Variants in CEP128 observed in about 807,000 individuals in gnomAD.
The protein encoded by CEP128 is centrosomal protein 128kDa.
Under a neutral mutation model 156.7 loss-of-function variants are expected in CEP128, and 132 were observed. That is an observed-to-expected ratio of 0.84 (90% CI 0.73 to 0.97). The LOEUF (loss-of-function observed/expected upper bound fraction) is 0.97, where lower values mean the gene tolerates loss of function less well. CEP128 is among the 50% of genes least tolerant of loss of function. CEP128 has a pLI of 0.00. For missense variants in CEP128, 1,252 were observed against 1,281.9 expected (o/e 0.98, Z 0.36); for synonymous variants, 469 against 448.9 (o/e 1.04, Z -0.57).
At chr14:80,604,703 A>G (rs1425081706) in intron 19 of CEP128, among the ~76,000 whole-genome samples, 1 of 152,014 alleles carries the variant, frequency 6.6e-6, no homozygotes, top group Non-Finnish European at 1.5e-5. Context: ...TCCTACTTTT[A>G]TTATAGTATT....
intron 23 of CEP128, among the ~76,000 whole-genome samples, chr14:80,519,369 C>T (rs897337309): frequency 2.6e-5 from 4 of 152,182 alleles, no homozygotes; most frequent in Non-Finnish European, 4.4e-5. Flanking sequence ...TAATGATACC[C>T]ACCAAGTATT....
chr14:80,729,669 T>C (rs1042382053), intron 19 of CEP128, among the ~76,000 whole-genome samples: 3 of 152,190 alleles, frequency 2.0e-5, no homozygotes, highest in Non-Finnish European at 2.9e-5. Flanking sequence ...AGTGTTCTCT[T>C]TTCATCACAT....
At chr14:80,613,598 C>T (rs979029209) in intron 19 of CEP128, among the ~76,000 whole-genome samples, 3 of 151,962 alleles carry the variant, frequency 2.0e-5, no homozygotes, top group Admixed American at 6.6e-5. Context: ...TGTGACCCAC[C>T]GCGCCTGGCC....
At chr14:80,700,468 G>C (rs143018039) in intron 19 of CEP128, among the ~76,000 whole-genome samples, 1 of 152,046 alleles carries the variant, frequency 6.6e-6, no homozygotes, top group Admixed American at 6.6e-5. Flanking sequence ...ATAGGAAAGG[G>C]GGGATGGTAG....
intron 20 of CEP128, among the ~76,000 whole-genome samples, chr14:80,572,775 T>C (rs1891197906): frequency 6.6e-6 from 1 of 152,152 alleles, no homozygotes; most frequent in South Asian, 2.1e-4. Context: ...GAGCTCAGAC[T>C]CTTGACAGTT....
chr14:80,503,023 A>AAAACATCC (rs1178287821), intron 24 of CEP128, among the ~76,000 whole-genome samples: 8 of 152,144 alleles, frequency 5.3e-5, no homozygotes, highest in African/African-American at 1.9e-4. Context: ...ATGATAAGGT[A>AAAACATCC]GCTAGGATTA....
chr14:80,605,161 T>G (rs1237750485), intron 19 of CEP128, among the ~76,000 whole-genome samples: 2 of 152,126 alleles, frequency 1.3e-5, no homozygotes, highest in African/African-American at 4.8e-5. Context: ...TTCTATTATC[T>G]GCTAAATTAT....
intron 16 of CEP128, among the ~76,000 whole-genome samples, chr14:80,769,724 T>C (rs1900421266): frequency 6.6e-6 from 1 of 152,204 alleles, no homozygotes; most frequent in Admixed American, 6.5e-5. Context: ...ATAACCTGTA[T>C]ATAACAAGCA....
chr14:80,570,640 T>C (rs185518825), intron 20 of CEP128, among the ~76,000 whole-genome samples: 2 of 152,254 alleles, frequency 1.3e-5, no homozygotes, highest in East Asian at 3.9e-4. Flanking sequence ...TGAGAGTGTG[T>C]GTGTGTGTAT....
At chr14:80,835,016 T>G in intron 12 of CEP128, among the ~76,000 whole-genome samples, 1 of 152,166 alleles carries the variant, frequency 6.6e-6, no homozygotes, top group African/African-American at 2.4e-5. Context: ...GGTGTCCTTC[T>G]TGTAGCAGGA....
At position 80,526,875 on chromosome 14, in the gene CEP128, A is replaced by G. The variant is rs1253494561; in HGVS notation, c.3066T>C (p.Ser1022=). ...HQDDTKYRTK[S]FKGDRTFLEG... ...AGTATATAAAGAAAATTACTTTGAA[A>G]CTTTTGGTTCTGTACTTGGTGTCAT... Residue 1022 remains serine, a synonymous_variant, in exon 23 of 25, where the codon AGT becomes AGC. Transcript: ENST00000555265. 3.8e-6 allele frequency: 6 copies of G among 1,582,756 alleles called. No individual in the cohort carries two copies. Among genetic ancestry groups the G allele is most frequent in the Non-Finnish European group, 5.2e-6 (6 of 1,155,966 alleles).
intron 13 of CEP128, among the ~76,000 whole-genome samples, chr14:80,821,800 T>C (rs1040536574): frequency 2.0e-5 from 3 of 151,856 alleles, no homozygotes; most frequent in Non-Finnish European, 2.9e-5. Flanking sequence ...CTCAGCCCCC[T>C]GTAATACTCC....
At chr14:80,758,850 T>C (rs569987595) in intron 17 of CEP128, among the ~76,000 whole-genome samples, 1 of 152,290 alleles carries the variant, frequency 6.6e-6, no homozygotes, top group East Asian at 1.9e-4. Context: ...ATGAGCCAAC[T>C]TATAACTGGG....
At chr14:80,841,380 A>G (rs1886342230) in intron 9 of CEP128, among the ~76,000 whole-genome samples, 1 of 152,104 alleles carries the variant, frequency 6.6e-6, no homozygotes, top group Admixed American at 6.6e-5. Flanking sequence ...AAACAGCAAA[A>G]TATGTTAAAA....
At chr14:80,843,008 G>A (rs1381125052) in intron 9 of CEP128, among the ~76,000 whole-genome samples, 2 of 151,694 alleles carry the variant, frequency 1.3e-5, no homozygotes, top group East Asian at 3.9e-4. Flanking sequence ...TTTCCTTAGA[G>A]GTAGGTGATT....
chr14:80,927,695 C>T lies in CEP128; in HGVS notation c.-15-11133G>A, dbSNP rs78249570. 2.3e-3 allele frequency among the ~76,000 whole-genome samples: 347 copies of T among 152,332 alleles called. 4 individuals are homozygous for T. Among genetic ancestry groups the T allele is most frequent in the African/African-American group, 8.0e-3 (333 of 41,572 alleles). On this transcript the variant is annotated intron_variant, in intron 2 of 24. Transcript: ENST00000555265. The stretch of plus-strand genomic sequence containing the variant: ...AGACCTCAGTGCATTTCACTGAGAG[C>T]TTTCCCAGCCATCTCTGTTGAGGCT...
intron 19 of CEP128, among the ~76,000 whole-genome samples, chr14:80,739,614 T>C (rs1898703307): frequency 6.6e-6 from 1 of 152,150 alleles, no homozygotes; most frequent in Admixed American, 6.6e-5. Flanking sequence ...ACTGAGACTA[T>C]TTTAGACACA....
At chr14:80,940,494 G>C (rs1257299831) in intron 1 of CEP128, among the ~76,000 whole-genome samples, 1 of 151,238 alleles carries the variant, frequency 6.6e-6, no homozygotes, top group African/African-American at 2.4e-5. Flanking sequence ...ATACACAAGA[G>C]ATTTTGATGA....
At position 80,541,618 on chromosome 14, in the gene CEP128, T is replaced by TA. The variant is rs574908580; in HGVS notation, c.2881-10733dup. The stretch of plus-strand genomic sequence containing the variant: ...TTTTCACCTTATAACTGGCCTAACT[T>TA]AAAAAAAAAAATCTCACAATCTTAC... On this transcript the variant is annotated intron_variant, in intron 21 of 24. Coordinates refer to ENST00000555265, the MANE Select transcript of CEP128 (RefSeq NM_152446.5). Among the ~76,000 whole-genome samples the TA allele has an allele frequency of 4.4e-3, 649 of 148,450 alleles. 4 individuals are homozygous for TA. Among genetic ancestry groups the TA allele is most frequent in the African/African-American group, 0.012 (490 of 40,712 alleles).
Sources: allele counts gnomAD v4.1 joint callset (sites outside exome capture counted in the v4.1 genomes callset), GRCh38; gene constraint gnomAD v4.1.1; transcripts MANE v1.5; gene names NCBI Gene and HGNC (gene_info 2026-07-23, HGNC 2026-07-21).